TASP1: variants seen among roughly 807,000 people sequenced by gnomAD.
The protein encoded by TASP1 is taspase 1.
A neutral mutation model predicts 56.6 loss-of-function variants in TASP1; 16 were observed. The observed-to-expected ratio is 0.28, with a 90% CI of 0.19 to 0.43. The LOEUF (loss-of-function observed/expected upper bound fraction) is 0.43. TASP1 is among the 20% of genes least tolerant of loss of function. The pLI is 1.00. For synonymous variants in TASP1, 179 were observed against 184.2 expected, an observed-to-expected ratio of 0.97 and a Z score of 0.23; for missense variants, 393 against 511.6, an observed-to-expected ratio of 0.77 and a Z score of 2.24.
chr20:13,594,285 A>C (rs2047645418), intron 4 of TASP1, among the ~76,000 whole-genome samples: 2 of 152,266 alleles, frequency 1.3e-5, no homozygotes, highest in South Asian at 4.1e-4. Flanking sequence ...CCAGAGCAGA[A>C]AAACTGAATA....
At chr20:13,292,492 T>G in the TASP1 span, 7 of 1,400,822 alleles carry the variant, frequency 5.0e-6, no homozygotes, top group Non-Finnish European at 6.9e-6. Flanking sequence ...TTAATCCAAA[T>G]ATTGACTTAG....
intron 10 of TASP1, among the ~76,000 whole-genome samples, chr20:13,527,386 G>A (rs74328754): frequency 0.017 from 2,623 of 152,186 alleles, 82 homozygotes; most frequent in African/African-American, 0.057. Context: ...CCACTCTCCC[G>A]ATAAAGTCTG....
intron 10 of TASP1, among the ~76,000 whole-genome samples, chr20:13,492,249 T>C (rs985172305): frequency 1.1e-4 from 16 of 152,176 alleles, no homozygotes; most frequent in Admixed American, 1.0e-3. Context: ...CTAGTGGGCA[T>C]CTGAAAAATC....
rs938514914 is a variant in TASP1, at chr20:13,580,774, T to A, written c.488+123A>T. ...ATTAGCTGTACAAAATGTTCCAAGA[T>A]CACGGAACAAAGTTTGTCTTCTTCG... is the stretch of plus-strand genomic sequence containing the variant. On this transcript the variant is annotated intron_variant, in intron 6 of 13. Transcript: ENST00000337743. The A allele has an allele frequency of 2.2e-4, 200 of 893,780 alleles. 1 individual carries two copies. Among genetic ancestry groups the A allele is most frequent in the Non-Finnish European group, 3.2e-4 (177 of 560,664 alleles). The allele number at this position is 893,780 out of a possible 1,614,324, so 55.4% of individuals were successfully genotyped here. A position where few individuals can be genotyped will look rare whatever the true frequency, so the allele number is the denominator to read the frequency against.
chr20:13,586,302 A>C (rs931846128), intron 5 of TASP1, among the ~76,000 whole-genome samples: 2 of 152,186 alleles, frequency 1.3e-5, no homozygotes, highest in South Asian at 4.1e-4. Context: ...AGAGGAGAGT[A>C]AATACAGAAG....
the TASP1 span, among the ~76,000 whole-genome samples, chr20:13,290,522 G>A: frequency 3.5e-4 from 53 of 152,178 alleles, no homozygotes; most frequent in East Asian, 7.8e-4. Flanking sequence ...GGTGGCGGGC[G>A]CCTGTAGTCC....
chr20:13,355,323 A>T, the TASP1 span, among the ~76,000 whole-genome samples: 9 of 152,340 alleles, frequency 5.9e-5, no homozygotes, highest in East Asian at 1.5e-3. Context: ...GATATAGATC[A>T]GAGAGCAAAG....
Position 13,528,394 on chromosome 20 carries a change from G to T in TASP1, c.874+39C>A, listed in dbSNP as rs200157981. ...TTTTAATCATTAAATGATTGACAAGGTTGAAGTTATGAGAAATGGTTATGA... is the reference window on the plus strand; with the variant it reads ...TTTTAATCATTAAATGATTGACAAGTTTGAAGTTATGAGAAATGGTTATGA... On this transcript the variant is annotated intron_variant, in intron 10 of 13. Coordinates refer to ENST00000337743, the MANE Select transcript of TASP1 (RefSeq NM_017714.3). The T allele has an allele frequency of 9.0e-6, 14 of 1,559,770 alleles. No homozygotes were observed. In the East Asian group the frequency reaches 2.7e-4, roughly 30 times the overall value.
chr20:13,208,852 A>G, the TASP1 span, among the ~76,000 whole-genome samples: 1 of 152,212 alleles, frequency 6.6e-6, no homozygotes, highest in Non-Finnish European at 1.5e-5. Flanking sequence ...AAAACCACCC[A>G]ACAAACTCAT....
the TASP1 span, among the ~76,000 whole-genome samples, chr20:13,255,807 G>A: frequency 6.6e-6 from 1 of 152,156 alleles, no homozygotes; most frequent in Non-Finnish European, 1.5e-5. Flanking sequence ...GTAGACCTAA[G>A]TGAAACTACA....
intron 10 of TASP1, among the ~76,000 whole-genome samples, chr20:13,484,865 C>A (rs2043268333): frequency 6.6e-6 from 1 of 151,990 alleles, no homozygotes; most frequent in Non-Finnish European, 1.5e-5. Context: ...TCATTCTCAG[C>A]AAACTAACAC....
intron 10 of TASP1, among the ~76,000 whole-genome samples, chr20:13,493,604 C>CT (rs1457180443): frequency 6.6e-6 from 1 of 152,170 alleles, no homozygotes; most frequent in Non-Finnish European, 1.5e-5. Flanking sequence ...GCACTGTCAG[C>CT]TTCCCTGGTT....
At chr20:13,447,388 C>T (rs1163340228) in intron 11 of TASP1, among the ~76,000 whole-genome samples, 1 of 152,046 alleles carries the variant, frequency 6.6e-6, no homozygotes, top group Non-Finnish European at 1.5e-5. Context: ...ACATATTATC[C>T]ATTCTCCCTA....
In TASP1 at chr20:13,417,405, T is replaced by C. The variant is rs2273476; in HGVS notation, c.1170+43A>G. 3.7e-4 allele frequency: 593 copies of C among 1,608,522 alleles called. 8 individuals are homozygous for C. In the East Asian group the frequency reaches 0.013, roughly 35 times the overall value. ...CTTAGCTGGTTAGAGGTTTATGCGATGGCTACAAGGTTTTCAGGTTATGAC... is the reference window on the plus strand; with the variant it reads ...CTTAGCTGGTTAGAGGTTTATGCGACGGCTACAAGGTTTTCAGGTTATGAC... On this transcript the variant is annotated intron_variant, in intron 13 of 13. Transcript: ENST00000337743.
chr20:13,132,407 C>T, the TASP1 span, among the ~76,000 whole-genome samples: 1 of 151,996 alleles, frequency 6.6e-6, no homozygotes, highest in South Asian at 2.1e-4. Flanking sequence ...GAGCTCCCGA[C>T]CTCAAGTAGT....
downstream of TASP1, among the ~76,000 whole-genome samples, chr20:13,387,461 T>C (rs1421278123): frequency 3.3e-5 from 5 of 152,192 alleles, no homozygotes; most frequent in African/African-American, 1.2e-4. Context: ...AGTGCTGGGA[T>C]TACAGGTGTG....
chr20:13,247,227 C>A, the TASP1 span, among the ~76,000 whole-genome samples: 3 of 151,778 alleles, frequency 2.0e-5, no homozygotes, highest in Non-Finnish European at 4.4e-5. Flanking sequence ...TGTGAATCTC[C>A]GTCTCAAAAA....
the TASP1 span, among the ~76,000 whole-genome samples, chr20:13,361,133 T>C: frequency 8.5e-5 from 13 of 152,050 alleles, no homozygotes; most frequent in African/African-American, 2.9e-4. Context: ...TCCCTACACA[T>C]CAAGCTCGAG....
the TASP1 span, among the ~76,000 whole-genome samples, chr20:13,287,207 A>G: frequency 3.3e-5 from 5 of 152,354 alleles, no homozygotes; most frequent in Admixed American, 3.3e-4. Context: ...TCACAGTTCC[A>G]CATGGCTGGG....
Sources: gnomAD v4.1 joint callset for allele counts (sites outside exome capture counted in the v4.1 genomes callset) on GRCh38, gnomAD v4.1.1 for gene constraint, MANE v1.5 for transcripts, NCBI Gene and HGNC (gene_info 2026-07-23, HGNC 2026-07-21) for gene names.